LRRC28: variants seen among roughly 807,000 people sequenced by gnomAD.
The protein encoded by LRRC28 is leucine-rich repeat-containing protein 28.
A neutral mutation model predicts 45.7 loss-of-function variants in LRRC28; 39 were observed. The observed-to-expected ratio is 0.85, with a 90% CI of 0.66 to 1.12. LRRC28 has a LOEUF of 1.12. Among genes scored for constraint, LRRC28 ranks in the 50% most tolerant of loss-of-function variants. The pLI, the probability that LRRC28 is intolerant of heterozygous loss-of-function variation, is 0.00. For missense variants in LRRC28, 435 were observed against 438.5 expected (o/e 0.99, Z 0.07); for synonymous variants, 206 against 178.8 (o/e 1.15, Z -1.22).
chr15:99,383,625 C>T (rs540574692), intron 9 of LRRC28, among the ~76,000 whole-genome samples: 20 of 152,238 alleles, frequency 1.3e-4, no homozygotes, highest in Non-Finnish European at 2.5e-4. Flanking sequence ...TGAACTCTTG[C>T]AGGATTTTTC....
Position 99,386,790 on chromosome 15 carries a change from A to C in LRRC28, c.*688A>C, listed in dbSNP as rs879758549. The C allele has an allele frequency of 6.6e-6, 1 of 152,208 alleles. No individual in the cohort carries two copies. The highest frequency in any genetic ancestry group is 1.5e-5 in the Non-Finnish European group (1 of 68,030). 9.4% of individuals were successfully genotyped at this position (152,208 alleles called of 1,614,324 possible). On this transcript the variant is annotated 3_prime_UTR_variant, in exon 10 of 10. Coordinates refer to ENST00000301981, the MANE Select transcript of LRRC28 (RefSeq NM_144598.5). ...TAATGAAATACACTTCCTGTTTTTT[A>C]AAAGTGTTTGCAGAAAAATGATTTT...
At chr15:99,277,604 G>A (rs746606189) in intron 3 of LRRC28, among the ~76,000 whole-genome samples, 3 of 152,102 alleles carry the variant, frequency 2.0e-5, no homozygotes, top group African/African-American at 4.8e-5. Context: ...TTTAAAAGTA[G>A]ATGTCTGAAT....
At chr15:99,293,628 A>AAAAAAAAC (rs1567635396) in intron 5 of LRRC28, among the ~76,000 whole-genome samples, 1 of 142,166 alleles carries the variant, frequency 7.0e-6, no homozygotes, top group East Asian at 2.0e-4. Context: ...AAAAAAAAAA[A>AAAAAAAAC]AAAAACCTAA....
chr15:99,252,674 A>G (rs1347263892), intron 1 of LRRC28, among the ~76,000 whole-genome samples: 3 of 152,264 alleles, frequency 2.0e-5, no homozygotes, highest in African/African-American at 7.2e-5. Context: ...TAGCAAGCTT[A>G]TAGGCTCTAT....
At chr15:99,355,566 C>A (rs1957022933) in intron 7 of LRRC28, 1 of 151,862 alleles carries the variant, frequency 6.6e-6, no homozygotes, top group Non-Finnish European at 1.5e-5. Context: ...CTGGGTTTTT[C>A]TTGTTATTAC....
At chr15:99,305,384 A>G (rs1252713919) in intron 5 of LRRC28, among the ~76,000 whole-genome samples, 2 of 152,234 alleles carry the variant, frequency 1.3e-5, no homozygotes, top group Admixed American at 1.3e-4. Flanking sequence ...ATTTAAATAC[A>G]TAAATTATCT....
rs576901402 is a variant in LRRC28 at position 99,366,119 on chromosome 15, G to A, written c.1031+2854G>A. Among the ~76,000 whole-genome samples, 6 of 152,326 alleles carry A rather than the reference G, an allele frequency of 3.9e-5. No individual in the cohort carries two copies. In the South Asian group the frequency reaches 1.2e-3, roughly 32 times the overall value. On this transcript the variant is annotated intron_variant, in intron 9 of 9. Transcript: ENST00000301981. ...TTTGCCAGGGATGCTGCAACAAAGT[G>A]CTGCAAACTGGGTGACTTAAACAAC...
chr15:99,337,514 C>G (rs1351098244), intron 6 of LRRC28, among the ~76,000 whole-genome samples: 1 of 152,056 alleles, frequency 6.6e-6, no homozygotes, highest in Admixed American at 6.5e-5. Flanking sequence ...AGGTGGGCAT[C>G]TCTTCTTTGG....
intron 5 of LRRC28, among the ~76,000 whole-genome samples, chr15:99,302,107 A>T (rs1954997518): frequency 6.6e-6 from 1 of 151,500 alleles, no homozygotes; most frequent in Non-Finnish European, 1.5e-5. Flanking sequence ...GCTCACTGCA[A>T]GCTCCACCTC....
chr15:99,255,851 C>T, intron 1 of LRRC28, 47 bp from the exon 2 acceptor site: 3 of 1,283,318 alleles, frequency 2.3e-6, no homozygotes, highest in Non-Finnish European at 3.2e-6. Context: ...TATGGCAATT[C>T]TTGTAAAAAA....
intron 1 of LRRC28, among the ~76,000 whole-genome samples, chr15:99,254,025 T>G (rs1166779976): frequency 6.6e-6 from 1 of 152,192 alleles, no homozygotes; most frequent in African/African-American, 2.4e-5. Flanking sequence ...AATGGAAAGC[T>G]CTTTGAATGT....
chr15:99,260,410 C>T (rs1001550109), intron 2 of LRRC28, among the ~76,000 whole-genome samples: 1 of 152,104 alleles, frequency 6.6e-6, no homozygotes, highest in Admixed American at 6.5e-5. Flanking sequence ...TTTTATTTCC[C>T]TGCAACCTTT....
At chr15:99,262,178 C>A (rs2081215627) in intron 2 of LRRC28, among the ~76,000 whole-genome samples, 1 of 152,078 alleles carries the variant, frequency 6.6e-6, no homozygotes, top group Non-Finnish European at 1.5e-5. Flanking sequence ...TTCCACTAAC[C>A]TCTAGGCCAA....
In LRRC28 at chr15:99,288,371, C is replaced by CTTTT. The variant is rs67593137; in HGVS notation, c.385+446_385+449dup. On this transcript the variant is annotated intron_variant, in intron 5 of 9. Transcript: ENST00000301981. ...TAGTGAGGTAACTAATGTACATTAA[C>CTTTT]TTTTTTTTTTTTTTTTTTTTTTTTT... Among the ~76,000 whole-genome samples, 325 of 82,902 alleles carry CTTTT rather than the reference C, an allele frequency of 3.9e-3. 22 individuals carry two copies. Among genetic ancestry groups the CTTTT allele is most frequent in the Non-Finnish European group, 6.3e-3 (280 of 44,712 alleles). The allele number at this position is 82,902 out of a possible 152,430, so 54.4% of individuals were successfully genotyped here.
chr15:99,272,960 T>G (rs1194032827), intron 2 of LRRC28, among the ~76,000 whole-genome samples: 2 of 152,222 alleles, frequency 1.3e-5, no homozygotes. Context: ...TTGTGTGGCT[T>G]CTGTAATCCA....
At chr15:99,270,217 T>C (rs1325093963) in intron 2 of LRRC28, among the ~76,000 whole-genome samples, 1 of 152,246 alleles carries the variant, frequency 6.6e-6, no homozygotes, top group Non-Finnish European at 1.5e-5. Flanking sequence ...AAGTACTTTT[T>C]ATTCCTTCAG....
chr15:99,281,028 G>C (rs144886559), intron 3 of LRRC28, among the ~76,000 whole-genome samples: 1 of 149,192 alleles, frequency 6.7e-6, no homozygotes, highest in African/African-American at 2.5e-5. Context: ...TTTGGTTACT[G>C]TATTTTTTTT....
chr15:99,316,421 C>G (rs1278942556), intron 5 of LRRC28, among the ~76,000 whole-genome samples: 1 of 151,888 alleles, frequency 6.6e-6, no homozygotes, highest in Non-Finnish European at 1.5e-5. Context: ...GTGGTAGAAA[C>G]CACTTGCCTC....
intron 9 of LRRC28, among the ~76,000 whole-genome samples, chr15:99,364,628 G>A (rs1195674147): frequency 6.6e-6 from 1 of 152,146 alleles, no homozygotes. Context: ...TTACAGTGGT[G>A]AAGTGCACAG....
Sources: allele counts gnomAD v4.1 joint callset (sites outside exome capture counted in the v4.1 genomes callset), GRCh38; gene constraint gnomAD v4.1.1; transcripts MANE v1.5; gene names NCBI Gene and HGNC (gene_info 2026-07-23, HGNC 2026-07-21).